Variants in ADGRL1 observed in about 807,000 individuals in gnomAD.
ADGRL1 encodes CIRL-1.
Under a neutral mutation model 148.9 loss-of-function variants are expected in ADGRL1, and 31 were observed. That is an observed-to-expected ratio of 0.21 (90% confidence interval 0.16 to 0.28). ADGRL1 has a LOEUF of 0.28. Among genes scored for constraint, ADGRL1 ranks in the 10% least tolerant of loss-of-function variants. ADGRL1 has a pLI of 1.00. For synonymous variants in ADGRL1, 937 were observed against 900.3 expected, an observed-to-expected ratio of 1.04 and a Z score of -0.73; for missense variants, 1,521 against 2,058.8, an observed-to-expected ratio of 0.74 and a Z score of 5.05.
At chr19:14,204,357 G>T in intron 1 of ADGRL1, among the ~76,000 whole-genome samples, 1 of 152,190 alleles carries the variant, frequency 6.6e-6, no homozygotes, top group Middle Eastern at 3.4e-3. Context: ...GGGGCAGACA[G>T]GAGAAGAGAA....
intron 4 of ADGRL1, among the ~76,000 whole-genome samples, chr19:14,167,883 G>A (rs989901768): frequency 2.0e-5 from 3 of 152,158 alleles, no homozygotes; most frequent in South Asian, 2.1e-4. Context: ...CCCAGGGCCC[G>A]GGGGCCCAGG....
chr19:14,159,006 C>T lies in ADGRL1; in HGVS notation c.2149+84G>A. Reference sequence around the variant, plus strand: ...AAAAGGTCAGCACCGCTGCCCTCTACAAATGGCACAGAGACGCTGGCACAG... The same window carrying T: ...AAAAGGTCAGCACCGCTGCCCTCTATAAATGGCACAGAGACGCTGGCACAG... On this transcript the variant is annotated intron_variant, in intron 11 of 22. Transcript: ENST00000361434. The surrounding 1 kb of genome is among the most constrained non-coding windows in gnomAD (Gnocchi z 6.0). 1 of 1,554,102 alleles carries T rather than the reference C, an allele frequency of 6.4e-7. No homozygotes were observed. The highest frequency in any genetic ancestry group is 1.1e-5 in the South Asian group (1 of 88,074).
chr19:14,155,531 G>A lies in ADGRL1; in HGVS notation c.3126-4C>T, dbSNP rs1968634431. On this transcript the variant is annotated splice_region_variant and splice_polypyrimidine_tract_variant and intron_variant, in intron 17 of 22. Transcript: ENST00000361434. This position sits in a 1 kb window ranked among gnomAD's most constrained non-coding sequence, Gnocchi z 5.0. Reference sequence around the variant, plus strand: ...GATGGCCCCCAGCGCCCAGGATCTGGGAGTGGGGCGACAGGGGAGTCAAAG... The same window carrying A: ...GATGGCCCCCAGCGCCCAGGATCTGAGAGTGGGGCGACAGGGGAGTCAAAG... 1 of 1,613,216 alleles carries A rather than the reference G, an allele frequency of 6.2e-7. No homozygotes were observed. The highest frequency in any genetic ancestry group is 8.5e-7 in the Non-Finnish European group (1 of 1,179,786).
At chr19:14,201,585 T>TA (rs376468100) in intron 1 of ADGRL1, among the ~76,000 whole-genome samples, 4 of 150,292 alleles carry the variant, frequency 2.7e-5, no homozygotes, top group Admixed American at 6.6e-5. Flanking sequence ...GCCCAACTAT[T>TA]AAAAAAAAAA....
At position 14,151,001 on chromosome 19, in the gene ADGRL1, C is replaced by T; in HGVS notation, c.4282G>A (p.Ala1428Thr). The stretch of plus-strand genomic sequence containing the variant: ...TAGTAGCCCTGCAGGGGATTCCGGG[C>T]CACCAGGGCTGGCGGGCGCGAGGTG... ...YYTSRPPALV[A>T]RNPLQGYYQV... Residue 1428 changes from alanine to threonine, a missense_variant, in exon 23 of 23, where the codon GCC (alanine) becomes ACC (threonine). Around this residue, in one of 8 missense-constraint regions of ADGRL1, gnomAD observed 390 missense variants for 375.0 expected, o/e 1.04. Coordinates refer to ENST00000361434, the MANE Select transcript of ADGRL1 (RefSeq NM_014921.5). 6.3e-7 allele frequency: 1 copy of T among 1,586,262 alleles called. No individual in the cohort carries two copies. Among genetic ancestry groups the T allele is most frequent in the Non-Finnish European group, 8.6e-7 (1 of 1,166,996 alleles).
intron 18 of ADGRL1, among the ~76,000 whole-genome samples, chr19:14,153,854 T>C (rs529533216): frequency 3.3e-5 from 5 of 151,530 alleles, no homozygotes; most frequent in Admixed American, 1.3e-4. Flanking sequence ...GGCAGGAGAA[T>C]TGCTTGAAGC....
chr19:14,201,835 A>G (rs554458415), intron 1 of ADGRL1, among the ~76,000 whole-genome samples: 79 of 152,316 alleles, frequency 5.2e-4, no homozygotes, highest in Non-Finnish European at 9.0e-4. Flanking sequence ...AGACACAGAC[A>G]GTAAACAAAC....
rs746097760 is a variant in ADGRL1, at chr19:14,159,373, G to C, written c.2023+28C>G. On this transcript the variant is annotated intron_variant, in intron 10 of 22. Coordinates refer to ENST00000361434, the MANE Select transcript of ADGRL1 (RefSeq NM_014921.5). This position sits in a 1 kb window ranked among gnomAD's most constrained non-coding sequence, Gnocchi z 6.0. ...CCCGTGGTTTAAGGTTCGTATCTGA[G>C]TTTGCCCTGGGTGACTGTGGCACTC... 3.1e-6 allele frequency: 5 copies of C among 1,589,684 alleles called. No homozygotes were observed. The highest frequency in any genetic ancestry group is 4.5e-5 in the East Asian group (2 of 44,506).
At chr19:14,174,535 A>AT (rs35665946) in intron 3 of ADGRL1, among the ~76,000 whole-genome samples, 3,426 of 136,598 alleles carry the variant, frequency 0.025, 58 homozygotes, top group Middle Eastern at 0.055. Context: ...GGTAACACAC[A>AT]TTTTTTTTTT....
At chr19:14,195,212 C>T (rs978697056) in intron 1 of ADGRL1, among the ~76,000 whole-genome samples, 1 of 152,146 alleles carries the variant, frequency 6.6e-6, no homozygotes, top group Non-Finnish European at 1.5e-5. Context: ...CTATCTCACC[C>T]ATGGGAAACG....
chr19:14,194,166 C>T (rs1260911780), intron 1 of ADGRL1, among the ~76,000 whole-genome samples: 9 of 152,158 alleles, frequency 5.9e-5, no homozygotes, highest in African/African-American at 1.7e-4. Context: ...GACCTGTGAT[C>T]GCACCAGTAC....
At chr19:14,169,364 C>G (rs138503716) in intron 4 of ADGRL1, 2 of 152,260 alleles carry the variant, frequency 1.3e-5, no homozygotes, top group African/African-American at 4.8e-5. Context: ...AGAGCCCAGT[C>G]GAGCCTTGAA....
chr19:14,164,628 C>T (rs888557129), intron 4 of ADGRL1: 1 of 151,930 alleles, frequency 6.6e-6, no homozygotes. Context: ...TACCTGCGAC[C>T]ATCCCCGGCT....
At chr19:14,166,630 C>G (rs1323906357) in intron 4 of ADGRL1, among the ~76,000 whole-genome samples, 1 of 151,544 alleles carries the variant, frequency 6.6e-6, no homozygotes, top group Non-Finnish European at 1.5e-5. Context: ...AGTGGGGGAG[C>G]CGGGGAAGGG....
At chr19:14,193,730 A>T (rs1174222308) in intron 1 of ADGRL1, among the ~76,000 whole-genome samples, 2 of 152,252 alleles carry the variant, frequency 1.3e-5, no homozygotes, top group African/African-American at 2.4e-5. Context: ...ACGCCCTTAT[A>T]CAAAGGAGAA....
intron 12 of ADGRL1, 107 bp from the exon 13 acceptor site, chr19:14,158,159 G>A: frequency 1.5e-6 from 2 of 1,324,744 alleles, no homozygotes; most frequent in South Asian, 1.3e-5. Flanking sequence ...TCAAAGAAGT[G>A]CCTGGGGTCT....
chr19:14,182,451 C>T (rs1395685027), intron 2 of ADGRL1, among the ~76,000 whole-genome samples: 4 of 152,098 alleles, frequency 2.6e-5, no homozygotes, highest in Admixed American at 6.5e-5. Context: ...ACCTGCTGTA[C>T]GAGGTTTCGG....
intron 2 of ADGRL1, among the ~76,000 whole-genome samples, chr19:14,180,895 C>T (rs1971145248): frequency 6.6e-6 from 1 of 151,684 alleles, no homozygotes; most frequent in South Asian, 2.1e-4. Flanking sequence ...AAACTGTGAG[C>T]AAATTAGCCG....
rs1969360262 is a variant in ADGRL1 at position 14,161,420 on chromosome 19, G to A, written c.1402C>T (p.His468Tyr). Residue 468 changes from histidine to tyrosine, a missense_variant, in exon 6 of 23, where the codon CAC (histidine) becomes TAC (tyrosine). This residue lies in a region of ADGRL1 where 270 missense variants were observed against 320.4 expected (regional missense o/e 0.84). Transcript: ENST00000361434. The surrounding 1 kb of genome is among the most constrained non-coding windows in gnomAD (Gnocchi z 4.4). The stretch of plus-strand genomic sequence containing the variant: ...TCGCAGAAGAGCTCAGGGGACACGT[G>A]TAGATTCGGGGCTGGGGGCCGCCGG... ...STRRPPAPNL[H>Y]VSPELFCEPR... 4.6e-6 allele frequency: 7 copies of A among 1,532,318 alleles called. No individual in the cohort carries two copies. Among genetic ancestry groups the A allele is most frequent in the Non-Finnish European group, 6.1e-6 (7 of 1,142,726 alleles). The allele number at this position is 1,532,318 out of a possible 1,614,324, so 94.9% of individuals were successfully genotyped here.
Sources: gnomAD v4.1 joint callset for allele counts (sites outside exome capture counted in the v4.1 genomes callset) on GRCh38, gnomAD v4.1.1 for gene constraint, gnomAD v4.1.1 regional missense constraint, Gnocchi (gnomAD v3.1) non-coding constraint, MANE v1.5 for transcripts, NCBI Gene and HGNC (gene_info 2026-07-23, HGNC 2026-07-21) for gene names.